The following MYO7A variants were observed in gnomAD, a reference collection of about 807,000 sequenced individuals.
The protein encoded by MYO7A is unconventional myosin-VIIa.
Under a neutral mutation model 263.8 loss-of-function variants are expected in MYO7A, and 210 were observed. The ratio of observed to expected loss-of-function variants is 0.80; its 90% confidence interval spans 0.71 to 0.89. The LOEUF (loss-of-function observed/expected upper bound fraction) is 0.89. MYO7A is among the 40% of genes least tolerant of loss of function. The pLI is 0.00. For missense variants in MYO7A, 2,820 were observed against 2,968.3 expected (o/e 0.95, Z 1.16); for synonymous variants, 1,239 against 1,197.3 (o/e 1.03, Z -0.72).
At chr11:77,130,446 T>C (rs1555045719) in intron 1 of MYO7A, 143 bp from the exon 2 acceptor site, 2 of 620,240 alleles carry the variant, frequency 3.2e-6, no homozygotes, top group Non-Finnish European at 5.7e-6. Flanking sequence ...GGCTGGGCAG[T>C]GGTCAGAGGG....
At chr11:77,180,277 G>A in intron 21 of MYO7A, 97 bp from the exon 22 acceptor site, 2 of 1,180,864 alleles carry the variant, frequency 1.7e-6, no homozygotes, top group Non-Finnish European at 2.5e-6. Context: ...GTCATGCCCA[G>A]TTCCAGAACT....
At chr11:77,161,496 G>A (rs1952991832) in intron 12 of MYO7A, among the ~76,000 whole-genome samples, 1 of 152,344 alleles carries the variant, frequency 6.6e-6, no homozygotes, top group Admixed American at 6.5e-5. Flanking sequence ...GTGCCTTTTA[G>A]GGGCCGTGTG....
chr11:77,165,279 C>T (rs577805451), intron 14 of MYO7A, among the ~76,000 whole-genome samples: 1 of 152,216 alleles, frequency 6.6e-6, no homozygotes, highest in Admixed American at 6.5e-5. Flanking sequence ...TGGCACTCCC[C>T]CTCTGGCATC....
intron 4 of MYO7A, among the ~76,000 whole-genome samples, chr11:77,153,769 A>G (rs1952191610): frequency 6.6e-6 from 1 of 151,982 alleles, no homozygotes; most frequent in African/African-American, 2.4e-5. Context: ...TGTGCTTGCT[A>G]CCAGCGGCTG....
rs140918712 is a variant in MYO7A at position 77,138,321 on chromosome 11, C to CGCCGACCCT, written c.19-4379_19-4371dup. Among the ~76,000 whole-genome samples, 20,490 of 152,014 alleles carry CGCCGACCCT rather than the reference C, an allele frequency of 0.13. 2,564 individuals carry two copies. The highest frequency in any genetic ancestry group is 0.33 in the African/African-American group (13,754 of 41,382). Reference sequence around the variant, plus strand: ...GCCGTCGCAGCGCCATGGAGGACCCCGCCGACCCTGCCGACCCCGCGCGCA... The same window carrying CGCCGACCCT: ...GCCGTCGCAGCGCCATGGAGGACCCCGCCGACCCTGCCGACCCTGCCGACCCCGCGCGCA... On this transcript the variant is annotated intron_variant, in intron 2 of 48. Coordinates refer to ENST00000409709, the MANE Select transcript of MYO7A (RefSeq NM_000260.4). The surrounding 1 kb of genome is among the most constrained non-coding windows in gnomAD (Gnocchi z 4.9).
At position 77,179,114 on chromosome 11, in the gene MYO7A, G is replaced by A. The variant is rs782804821; in HGVS notation, c.2352G>A (p.Arg784=). 6.2e-7 allele frequency: 1 copy of A among 1,602,966 alleles called. No individual in the cohort carries two copies. ...IQRHWRGHNC[R]KNYGLMRLGF... ...GGCACTGGCGGGGTCACAACTGTAG[G>A]AAGAACTACGGGCTGGTGAGCCTCC... The change falls in exon 20 of 49, where the codon AGG becomes AGA. Residue 784 remains arginine (R), a synonymous_variant. Transcript: ENST00000409709.
chr11:77,145,767 G>A (rs187970494), intron 3 of MYO7A, among the ~76,000 whole-genome samples: 226 of 152,270 alleles, frequency 1.5e-3, no homozygotes, highest in African/African-American at 4.5e-3. Flanking sequence ...GAAGTGCCGT[G>A]GAGTATCAGG....
intron 1 of MYO7A, among the ~76,000 whole-genome samples, chr11:77,129,366 C>T (rs987243933): frequency 4.6e-5 from 7 of 152,188 alleles, no homozygotes; most frequent in South Asian, 2.1e-4. Context: ...GCTCGGATGT[C>T]GGGCAGTGTC....
chr11:77,203,306 C>T (rs530942182), intron 38 of MYO7A, 89 bp downstream of exon 38: 12 of 1,426,226 alleles, frequency 8.4e-6, no homozygotes, highest in East Asian at 7.5e-5. Context: ...GGGCCTGCTG[C>T]GACCCGGGCA....
At chr11:77,158,937 G>A (rs535276389) in intron 9 of MYO7A, among the ~76,000 whole-genome samples, 1 of 152,174 alleles carries the variant, frequency 6.6e-6, no homozygotes, top group Non-Finnish European at 1.5e-5. Context: ...TCCCAGCATG[G>A]TCCCCAGGCA....
intron 34 of MYO7A, 48 bp from the exon 35 acceptor site, chr11:77,199,487 C>T: frequency 1.4e-6 from 2 of 1,438,518 alleles, no homozygotes; most frequent in Non-Finnish European, 1.8e-6. Flanking sequence ...GGCCACGTCT[C>T]CCACTGGTTG....
At position 77,214,892 on chromosome 11, in the gene MYO7A, C is replaced by T. The variant is rs1958055170; in HGVS notation, c.*196C>T. ...CATCTCTCTGGGATGCAGAACTTCC[C>T]TCCATCCACCCCTCTGGCACCTGGG... On this transcript the variant is annotated 3_prime_UTR_variant, in exon 49 of 49. Coordinates refer to ENST00000409709, the MANE Select transcript of MYO7A (RefSeq NM_000260.4). The T allele has an allele frequency of 1.8e-6, 1 of 561,784 alleles. No individual in the cohort carries two copies. Among genetic ancestry groups the T allele is most frequent in the African/African-American group, 1.9e-5 (1 of 53,176 alleles). The allele number at this position is 561,784 out of a possible 1,614,324, so 34.8% of individuals were successfully genotyped here. A position where few individuals can be genotyped will look rare whatever the true frequency, so the allele number is the denominator to read the frequency against.
chr11:77,190,981 T>A, intron 30 of MYO7A, 111 bp downstream of exon 30: 2 of 1,215,662 alleles, frequency 1.6e-6, no homozygotes, highest in Non-Finnish European at 2.3e-6. Context: ...AGCACCTCGG[T>A]TTCCCCCTGA....
chr11:77,214,706 G>T lies in MYO7A; in HGVS notation c.*10G>T, dbSNP rs767119889. 7 of 1,555,776 alleles carry T rather than the reference G, an allele frequency of 4.5e-6. No homozygotes were observed. The highest frequency in any genetic ancestry group is 1.7e-4 in the Middle Eastern group (1 of 5,966). On this transcript the variant is annotated 3_prime_UTR_variant, in exon 49 of 49. Transcript: ENST00000409709. ...CAGGAGCGGCAAGTGAACAGTCACGGGGAGGTGCTGGTTCCATGCCTGCTC... is the reference window on the plus strand; with the variant it reads ...CAGGAGCGGCAAGTGAACAGTCACGTGGAGGTGCTGGTTCCATGCCTGCTC...
chr11:77,136,110 G>A (rs576308184), intron 2 of MYO7A, among the ~76,000 whole-genome samples: 2 of 152,172 alleles, frequency 1.3e-5, no homozygotes, highest in East Asian at 1.9e-4. Context: ...TTTTGTTTAC[G>A]TGGGAATGTC....
At chr11:77,207,970 G>A (rs73497635) in intron 42 of MYO7A, among the ~76,000 whole-genome samples, 7,135 of 152,228 alleles carry the variant, frequency 0.047, 567 homozygotes, top group African/African-American at 0.16. Flanking sequence ...TGACCGAGTT[G>A]GGTGCCCCAT....
intron 27 of MYO7A, 157 bp downstream of exon 27, chr11:77,184,872 C>A: frequency 1.6e-6 from 2 of 1,236,436 alleles, no homozygotes; most frequent in Non-Finnish European, 2.3e-6. Context: ...GTTATTTCAT[C>A]TTTCTAAGCC....
rs759403771 is a variant in MYO7A at position 77,211,246 on chromosome 11, A to C, written c.6146A>C (p.Asp2049Ala). 1 of 1,583,788 alleles carries C rather than the reference A, an allele frequency of 6.3e-7. No individual in the cohort carries two copies. The highest frequency in any genetic ancestry group is 8.6e-7 in the Non-Finnish European group (1 of 1,165,156). The change falls in exon 45 of 49, where the codon GAC becomes GCC. Residue 2049 changes from aspartate (D) to alanine (A), a missense_variant. Physicochemically the swap from Asp to Ala is moderately radical, Grantham distance 126. Transcript: ENST00000409709. ...ATCTACAGGGTCAAGTTCGAGGAGG[A>C]CAAGTCCTACTTCCCCAGCATCCCC... ...ALIYRVKFEEDKSYFPSIPKL... is the reference protein window; with the variant it reads ...ALIYRVKFEEAKSYFPSIPKL...
At chr11:77,203,749 G>A (rs1410877374) in intron 38 of MYO7A, among the ~76,000 whole-genome samples, 1 of 152,196 alleles carries the variant, frequency 6.6e-6, no homozygotes, top group Admixed American at 6.5e-5. Context: ...AGGATGGGAA[G>A]ACTGGGCTTA....
Sources: allele counts gnomAD v4.1 joint callset (sites outside exome capture counted in the v4.1 genomes callset), GRCh38; gene constraint gnomAD v4.1.1; non-coding constraint Gnocchi (gnomAD v3.1); transcripts MANE v1.5; gene names NCBI Gene and HGNC (gene_info 2026-07-23, HGNC 2026-07-21).